The following KANSL1L variants were observed in gnomAD, a reference collection of about 807,000 sequenced individuals.
The protein encoded by KANSL1L is KAT8 regulatory NSL complex subunit 1 like, also known as KAT8 regulatory NSL complex subunit 1-like protein.
A neutral mutation model predicts 108.6 loss-of-function variants in KANSL1L; 25 were observed. That is an observed-to-expected ratio of 0.23 (90% CI 0.17 to 0.32). The LOEUF (loss-of-function observed/expected upper bound fraction) is 0.32, where lower values mean the gene tolerates loss of function less well. KANSL1L is among the 10% of genes least tolerant of loss of function. The pLI is 1.00. For missense variants in KANSL1L, 1,137 were observed against 1,125.7 expected, an observed-to-expected ratio of 1.01 and a Z score of -0.14; for synonymous variants, 405 against 395.1, an observed-to-expected ratio of 1.03 and a Z score of -0.30.
At chr2:210,119,952 A>T (rs183011407) in intron 3 of KANSL1L, among the ~76,000 whole-genome samples, 2 of 152,322 alleles carry the variant, frequency 1.3e-5, no homozygotes, top group Non-Finnish European at 2.9e-5. Context: ...ATTGGAACCA[A>T]AACAGCATGG....
At chr2:210,126,132 C>T (rs1437302121) in intron 3 of KANSL1L, among the ~76,000 whole-genome samples, 1 of 152,134 alleles carries the variant, frequency 6.6e-6, no homozygotes, top group Non-Finnish European at 1.5e-5. Flanking sequence ...GTAGCAAGAT[C>T]ACACAGAAGT....
At chr2:210,149,915 C>T (rs987710112) in intron 2 of KANSL1L, among the ~76,000 whole-genome samples, 1 of 147,946 alleles carries the variant, frequency 6.8e-6, no homozygotes, top group African/African-American at 2.5e-5. Context: ...AAAAAAAAAA[C>T]CAAAACAATT....
At chr2:210,168,802 C>A (rs1688147925) in intron 1 of KANSL1L, among the ~76,000 whole-genome samples, 1 of 152,020 alleles carries the variant, frequency 6.6e-6, no homozygotes. Flanking sequence ...TACTAGTAAA[C>A]TGAGTAAAAC....
chr2:210,085,012 C>T (rs1371352352), intron 5 of KANSL1L, among the ~76,000 whole-genome samples: 1 of 151,820 alleles, frequency 6.6e-6, no homozygotes, highest in Non-Finnish European at 1.5e-5. Flanking sequence ...TTATGGACTT[C>T]GGATACAGGT....
intron 7 of KANSL1L, among the ~76,000 whole-genome samples, chr2:210,041,084 A>T (rs1175955971): frequency 6.6e-6 from 1 of 152,220 alleles, no homozygotes; most frequent in Non-Finnish European, 1.5e-5. Context: ...CACAATGAAT[A>T]TACTTTTATA....
chr2:210,128,620 T>C (rs1278448926), intron 3 of KANSL1L, among the ~76,000 whole-genome samples: 1 of 152,148 alleles, frequency 6.6e-6, no homozygotes, highest in Non-Finnish European at 1.5e-5. Context: ...TATTATTTAA[T>C]GGGTTTAGAG....
chr2:210,163,322 G>A (rs1054772438), intron 1 of KANSL1L, among the ~76,000 whole-genome samples: 3 of 152,118 alleles, frequency 2.0e-5, no homozygotes, highest in African/African-American at 4.8e-5. Flanking sequence ...TCTAAAAAGA[G>A]AATAAAAATG....
chr2:210,139,211 T>C (rs1307809209), intron 2 of KANSL1L, among the ~76,000 whole-genome samples: 2 of 152,220 alleles, frequency 1.3e-5, no homozygotes, highest in Non-Finnish European at 2.9e-5. Flanking sequence ...CTCAACACGG[T>C]ATGTTATTAT....
At chr2:210,026,774 C>CT (rs1236979093) in intron 12 of KANSL1L, among the ~76,000 whole-genome samples, 5 of 151,904 alleles carry the variant, frequency 3.3e-5, no homozygotes, top group Admixed American at 6.6e-5. Flanking sequence ...TTTCTTTTGG[C>CT]TTTTTTTTCT....
intron 5 of KANSL1L, among the ~76,000 whole-genome samples, chr2:210,077,271 T>C (rs1416847791): frequency 6.6e-6 from 1 of 152,040 alleles, no homozygotes; most frequent in African/African-American, 2.4e-5. Context: ...TTTTAAAATA[T>C]TAAGTCTCCA....
chr2:210,126,879 A>G (rs919246891), intron 3 of KANSL1L, among the ~76,000 whole-genome samples: 2 of 152,178 alleles, frequency 1.3e-5, no homozygotes, highest in African/African-American at 4.8e-5. Context: ...AAAAATTATT[A>G]CAAAACTACA....
At chr2:210,070,367 C>G (rs1226746373) in intron 6 of KANSL1L, among the ~76,000 whole-genome samples, 2 of 150,398 alleles carry the variant, frequency 1.3e-5, no homozygotes, top group Non-Finnish European at 1.5e-5. Flanking sequence ...GTAGCTGGGA[C>G]TACAGGCGCC....
At chr2:210,076,091 T>C (rs988177602) in intron 5 of KANSL1L, among the ~76,000 whole-genome samples, 7 of 152,330 alleles carry the variant, frequency 4.6e-5, no homozygotes, top group African/African-American at 1.7e-4. Flanking sequence ...TTACACAAAA[T>C]TCTTTTTGTG....
At chr2:210,123,812 C>A (rs2095042463) in intron 3 of KANSL1L, among the ~76,000 whole-genome samples, 1 of 150,742 alleles carries the variant, frequency 6.6e-6, no homozygotes, top group Admixed American at 6.6e-5. Context: ...CCACTATGTA[C>A]CCACAAAAGT....
intron 3 of KANSL1L, among the ~76,000 whole-genome samples, chr2:210,114,234 T>TAA (rs1661788610): frequency 6.6e-6 from 1 of 152,112 alleles, no homozygotes; most frequent in Non-Finnish European, 1.5e-5. Context: ...CCTCTTATGA[T>TAA]AAACTTTGGA....
intron 4 of KANSL1L, among the ~76,000 whole-genome samples, chr2:210,102,537 G>A (rs922770553): frequency 3.3e-5 from 5 of 152,138 alleles, no homozygotes; most frequent in East Asian, 3.9e-4. Context: ...GCAACCTACA[G>A]AATGGGAGAA....
In KANSL1L at chr2:210,075,632, A is replaced by T; in HGVS notation, c.1675T>A (p.Ser559Thr). 1 of 1,613,986 alleles carries T rather than the reference A, an allele frequency of 6.2e-7. No individual in the cohort carries two copies. Among genetic ancestry groups the T allele is most frequent in the South Asian group, 1.1e-5 (1 of 91,082 alleles). The change falls in exon 6 of 15, where the codon TCA becomes ACA. Residue 559 changes from serine (S) to threonine (T), a missense_variant. Physicochemically the swap from Ser to Thr is moderately conservative, Grantham distance 58. Around this residue, in one of 3 missense-constraint regions of KANSL1L, gnomAD observed 575 missense variants for 567.1 expected, o/e 1.01. Coordinates refer to ENST00000281772, the MANE Select transcript of KANSL1L (RefSeq NM_152519.4). Reference sequence around the variant, plus strand: ...CTCTGAAGTGGCCTTGTTCGGGCTGATGTACTCATGAAAGTCAAGGATGAA... The same window carrying T: ...CTCTGAAGTGGCCTTGTTCGGGCTGTTGTACTCATGAAAGTCAAGGATGAA... ...KSSSLTFMST[S>T]ARTRPLQSFH...
At chr2:210,049,850 TATA>T (rs2094270068) in intron 6 of KANSL1L, among the ~76,000 whole-genome samples, 1 of 152,202 alleles carries the variant, frequency 6.6e-6, no homozygotes, top group African/African-American at 2.4e-5. Context: ...GGAGAACAGC[TATA>T]GGACTGATGT....
intron 5 of KANSL1L, among the ~76,000 whole-genome samples, chr2:210,079,650 A>ATATATATATGTATGTGTG (rs1553653253): frequency 5.1e-5 from 1 of 19,542 alleles, no homozygotes; most frequent in African/African-American, 1.7e-4. Context: ...ATATATATAT[A>ATATATATATGTATGTGTG]TATATATATA....
Sources: allele counts gnomAD v4.1 joint callset (sites outside exome capture counted in the v4.1 genomes callset), GRCh38; gene constraint gnomAD v4.1.1; regional missense constraint gnomAD v4.1.1; transcripts MANE v1.5; gene names NCBI Gene and HGNC (gene_info 2026-07-23, HGNC 2026-07-21).